PRKAG2: variants seen among roughly 807,000 people sequenced by gnomAD.
The protein encoded by PRKAG2 is protein kinase AMP-activated non-catalytic subunit gamma 2, also known as 5'-AMP-activated protein kinase subunit gamma-2.
PRKAG2 carries 26 observed loss-of-function variants against 69.6 expected under a neutral mutation model. The ratio of observed to expected loss-of-function variants is 0.37; its 90% CI spans 0.27 to 0.52. PRKAG2 has a LOEUF of 0.52. PRKAG2 is among the 20% of genes least tolerant of loss of function. PRKAG2 has a pLI of 0.90. For missense variants in PRKAG2, 557 were observed against 740.0 expected (o/e 0.75, Z 2.87); for synonymous variants, 293 against 285.0 (o/e 1.03, Z -0.28).
rs530752815 is a variant in PRKAG2, at chr7:151,565,442, A to C, written c.1400-59T>G. ...TTAAGGGACAAAAAGAAATTCATTT[A>C]AAATCAGTTTTAATGACATAATTAC... On this transcript the variant is annotated intron_variant, in intron 12 of 15. Transcript: ENST00000287878. 1,914 of 1,206,272 alleles carry C rather than the reference A, an allele frequency of 1.6e-3. 19 individuals carry two copies. Among genetic ancestry groups the C allele is most frequent in the South Asian group, 9.9e-3 (703 of 71,022 alleles). The allele number at this position is 1,206,272 out of a possible 1,614,324, so 74.7% of individuals were successfully genotyped here. A position where few individuals can be genotyped will look rare whatever the true frequency, so the allele number is the denominator to read the frequency against.
chr7:151,636,925 G>C (rs1825841187), intron 4 of PRKAG2, among the ~76,000 whole-genome samples: 2 of 152,016 alleles, frequency 1.3e-5, no homozygotes, highest in South Asian at 4.1e-4. Flanking sequence ...GGTTGGTCTC[G>C]AACTCCTGAC....
intron 3 of PRKAG2, among the ~76,000 whole-genome samples, chr7:151,717,045 G>A (rs1796294380): frequency 6.6e-6 from 1 of 152,130 alleles, no homozygotes; most frequent in Non-Finnish European, 1.5e-5. Flanking sequence ...TCAGGAGTTC[G>A]AGACCAGCCT....
intron 3 of PRKAG2, among the ~76,000 whole-genome samples, chr7:151,679,806 T>C (rs1188918325): frequency 6.6e-6 from 1 of 151,950 alleles, no homozygotes; most frequent in Non-Finnish European, 1.5e-5. Flanking sequence ...GGCTCATGCC[T>C]GTAGCCCCGG....
In PRKAG2 at chr7:151,719,442, C is replaced by T. The variant is rs558860614; in HGVS notation, c.467-43805G>A. Reference sequence around the variant, plus strand: ...CCCACCCCAAACCCGCCAGCACCCTCAGCCCCTGCCCTGGGCTGCTCCCAG... The same window carrying T: ...CCCACCCCAAACCCGCCAGCACCCTTAGCCCCTGCCCTGGGCTGCTCCCAG... On this transcript the variant is annotated intron_variant, in intron 3 of 15. Coordinates refer to ENST00000287878, the MANE Select transcript of PRKAG2 (RefSeq NM_016203.4). The surrounding 1 kb of genome is among the most constrained non-coding windows in gnomAD (Gnocchi z 5.2). Among the ~76,000 whole-genome samples the T allele has an allele frequency of 4.6e-5, 7 of 152,262 alleles. No individual in the cohort carries two copies. The highest frequency in any genetic ancestry group is 7.4e-5 in the Non-Finnish European group (5 of 68,022).
chr7:151,773,049 G>A (rs1485503797), intron 3 of PRKAG2, among the ~76,000 whole-genome samples: 14,130 of 50,940 alleles, frequency 0.28, 2,409 homozygotes, highest in Non-Finnish European at 0.31. Flanking sequence ...GAGAGAGAGA[G>A]AGAGGGAGGG....
intron 4 of PRKAG2, among the ~76,000 whole-genome samples, chr7:151,654,989 G>A (rs1829178639): frequency 6.6e-6 from 1 of 152,164 alleles, no homozygotes; most frequent in South Asian, 2.1e-4. Context: ...CACCATGCCC[G>A]GCTGGGATAC....
At chr7:151,862,891 G>A (rs1242335909) in intron 1 of PRKAG2, among the ~76,000 whole-genome samples, 1 of 151,794 alleles carries the variant, frequency 6.6e-6, no homozygotes, top group East Asian at 1.9e-4. Flanking sequence ...TCTGGGTGCA[G>A]GGAGCACTGG....
At chr7:151,791,128 G>A (rs895516224) in intron 1 of PRKAG2, among the ~76,000 whole-genome samples, 3 of 152,184 alleles carry the variant, frequency 2.0e-5, no homozygotes, top group Admixed American at 1.3e-4. Context: ...CAGATGGCAG[G>A]CTTTGCTGGA....
rs536377971 is a variant in PRKAG2 at position 151,851,109 on chromosome 7, G to C, written c.114+25398C>G. ...TGCTGCCATCTAACTTTTCTTAATG[G>C]CCTGGTAGGGAAATATCACAAAACA... On this transcript the variant is annotated intron_variant, in intron 1 of 15. Coordinates refer to ENST00000287878, the MANE Select transcript of PRKAG2 (RefSeq NM_016203.4). 3.3e-5 allele frequency among the ~76,000 whole-genome samples: 5 copies of C among 152,228 alleles called. No individual in the cohort carries two copies. In the East Asian group the frequency reaches 9.7e-4, roughly 29 times the overall value.
chr7:151,659,568 C>G (rs550860668), intron 4 of PRKAG2, among the ~76,000 whole-genome samples: 2 of 152,154 alleles, frequency 1.3e-5, no homozygotes, highest in Non-Finnish European at 2.9e-5. Flanking sequence ...CAGACAGATG[C>G]GTGTGAAACT....
rs571484038 is a variant in PRKAG2, at chr7:151,777,543, C to A, written c.466+3609G>T. On this transcript the variant is annotated intron_variant, in intron 3 of 15. Coordinates refer to ENST00000287878, the MANE Select transcript of PRKAG2 (RefSeq NM_016203.4). This position sits in a 1 kb window ranked among gnomAD's most constrained non-coding sequence, Gnocchi z 4.3. ...CTCCCCCCTCTCTCTTGCTCCCTTG[C>A]GTGTGAGCTCTGCATACCCCGGCTT... Among the ~76,000 whole-genome samples the A allele has an allele frequency of 6.6e-6, 1 of 152,162 alleles. No homozygotes were observed. The highest frequency in any genetic ancestry group is 1.5e-5 in the Non-Finnish European group (1 of 68,028).
chr7:151,645,078 A>G (rs1469114215), intron 4 of PRKAG2, among the ~76,000 whole-genome samples: 2 of 152,152 alleles, frequency 1.3e-5, no homozygotes, highest in Non-Finnish European at 2.9e-5. Flanking sequence ...CCCCCAATGC[A>G]TGATCCCCAC....
At chr7:151,665,601 T>C (rs1327258800) in intron 4 of PRKAG2, among the ~76,000 whole-genome samples, 3 of 152,206 alleles carry the variant, frequency 2.0e-5, no homozygotes, top group African/African-American at 7.2e-5. Flanking sequence ...CCAATCCCGC[T>C]GAGAATCAGT....
At chr7:151,654,654 G>C (rs531345518) in intron 4 of PRKAG2, among the ~76,000 whole-genome samples, 2 of 152,316 alleles carry the variant, frequency 1.3e-5, no homozygotes, top group South Asian at 4.1e-4. Flanking sequence ...GGGAGACAAA[G>C]TAGAGGAGGA....
chr7:151,632,125 G>A lies in PRKAG2; in HGVS notation c.698C>T (p.Ala233Val). 7 of 1,402,102 alleles carry A rather than the reference G, an allele frequency of 5.0e-6. No individual in the cohort carries two copies. The highest frequency in any genetic ancestry group is 2.8e-5 in the South Asian group (2 of 70,508). The allele number at this position is 1,402,102 out of a possible 1,614,324, so 86.9% of individuals were successfully genotyped here. Residue 233 changes from alanine to valine, a missense_variant, in exon 5 of 16, where the codon GCG becomes GTG. Ala to Val is a moderately conservative substitution (Grantham distance 64). This residue lies in a region of PRKAG2 where 352 missense variants were observed against 356.7 expected (regional missense o/e 0.99). Transcript: ENST00000287878. This position sits in a 1 kb window ranked among gnomAD's most constrained non-coding sequence, Gnocchi z 4.2. The stretch of plus-strand genomic sequence containing the variant: ...GCCGGCTTCCGCGGGTCCCAGGGCC[G>A]CCGCCAGCGCCGCCTGAGGGGGAGG... The part of the protein sequence containing the change: ...YAPSKAAALA[A>V]ALGPAEAGML...
chr7:151,748,251 G>A (rs2074422499), intron 3 of PRKAG2, among the ~76,000 whole-genome samples: 1 of 152,072 alleles, frequency 6.6e-6, no homozygotes, highest in Non-Finnish European at 1.5e-5. Flanking sequence ...ACAAGGAACA[G>A]CTATACTTAC....
rs760390080 is a variant in PRKAG2, at chr7:151,719,144, T to C, written c.467-43507A>G. 2.6e-4 allele frequency among the ~76,000 whole-genome samples: 40 copies of C among 152,216 alleles called. No individual in the cohort carries two copies. The highest frequency in any genetic ancestry group is 4.8e-4 in the African/African-American group (20 of 41,544). ...CCGAGCGTTGCTCCGGGAGACGAGA[T>C]GTATCTTGCAACCAGCTCAGCGGTG... On this transcript the variant is annotated intron_variant, in intron 3 of 15. Coordinates refer to ENST00000287878, the MANE Select transcript of PRKAG2 (RefSeq NM_016203.4). The surrounding 1 kb of genome is among the most constrained non-coding windows in gnomAD (Gnocchi z 5.2).
At chr7:151,661,483 A>G (rs1227955263) in intron 4 of PRKAG2, among the ~76,000 whole-genome samples, 2 of 152,226 alleles carry the variant, frequency 1.3e-5, no homozygotes, top group Non-Finnish European at 2.9e-5. Flanking sequence ...AATCACGGGC[A>G]GAGCTGTAGA....
intron 4 of PRKAG2, among the ~76,000 whole-genome samples, chr7:151,651,531 C>T (rs1242292985): frequency 2.0e-5 from 3 of 151,922 alleles, no homozygotes; most frequent in African/African-American, 7.3e-5. Flanking sequence ...CTCTTGAACC[C>T]GGGAGGTGGA....
Sources: allele counts gnomAD v4.1 joint callset (sites outside exome capture counted in the v4.1 genomes callset), GRCh38; gene constraint gnomAD v4.1.1; regional missense constraint gnomAD v4.1.1; non-coding constraint Gnocchi (gnomAD v3.1); transcripts MANE v1.5; gene names NCBI Gene and HGNC (gene_info 2026-07-23, HGNC 2026-07-21).